The following PLCL2 variants were observed in gnomAD, a reference collection of about 807,000 sequenced individuals.
PLCL2 encodes inactive phospholipase C-like protein 2.
PLCL2 carries 4 observed loss-of-function variants against 79.6 expected under a neutral mutation model. The observed-to-expected ratio is 0.05, with a 90% CI of 0.02 to 0.11. The LOEUF (loss-of-function observed/expected upper bound fraction) is 0.11, where lower values mean the gene tolerates loss of function less well. Among genes scored for constraint, PLCL2 ranks in the 10% least tolerant of loss-of-function variants. The pLI is 1.00. For synonymous variants in PLCL2, 484 were observed against 457.7 expected, an observed-to-expected ratio of 1.06 and a Z score of -0.73; for missense variants, 895 against 1,291.0, an observed-to-expected ratio of 0.69 and a Z score of 4.70.
At chr3:16,921,338 G>T (rs1052788358) in intron 1 of PLCL2, among the ~76,000 whole-genome samples, 6 of 152,122 alleles carry the variant, frequency 3.9e-5, no homozygotes, top group Non-Finnish European at 8.8e-5. Flanking sequence ...TTTCAATATC[G>T]TGACCAAGGG....
chr3:17,021,372 T>A, intron 3 of PLCL2, among the ~76,000 whole-genome samples: 1 of 152,134 alleles, frequency 6.6e-6, no homozygotes, highest in East Asian at 1.9e-4. Flanking sequence ...TGAAAATAAA[T>A]GTTTAAACGA....
chr3:17,023,533 C>G (rs1193367920), intron 3 of PLCL2, among the ~76,000 whole-genome samples: 1 of 152,178 alleles, frequency 6.6e-6, no homozygotes, highest in Non-Finnish European at 1.5e-5. Context: ...TTGCTTCTTT[C>G]TTATTCTCTC....
intron 1 of PLCL2, among the ~76,000 whole-genome samples, chr3:16,978,101 G>A (rs534513853): frequency 2.8e-4 from 43 of 152,120 alleles, no homozygotes; most frequent in Non-Finnish European, 5.4e-4. Flanking sequence ...ATAGCAATAC[G>A]TAAGTTAGGA....
At chr3:16,963,909 A>C (rs765735010) in intron 1 of PLCL2, among the ~76,000 whole-genome samples, 1 of 152,110 alleles carries the variant, frequency 6.6e-6, no homozygotes, top group African/African-American at 2.4e-5. Context: ...GTGTTGGTTT[A>C]CTTTCTTATA....
Position 17,010,768 on chromosome 3 carries a change from A to C in PLCL2, c.1422A>C (p.Val474=). Residue 474 remains valine, a synonymous_variant, in exon 2 of 6, where the codon GTA becomes GTC. Coordinates refer to ENST00000615277, the MANE Select transcript of PLCL2 (RefSeq NM_001144382.2). This position sits in a 1 kb window ranked among gnomAD's most constrained non-coding sequence, Gnocchi z 5.8. Reference sequence around the variant, plus strand: ...GTTGCCGGAGTGTTGAATTAGATGTATGGGATGGGCCGGACAATGAACCTG... The same window carrying C: ...GTTGCCGGAGTGTTGAATTAGATGTCTGGGATGGGCCGGACAATGAACCTG... The part of the protein sequence containing the change: ...KMGCRSVELD[V]WDGPDNEPVI... The C allele has an allele frequency of 6.2e-7, 1 of 1,614,172 alleles. No individual in the cohort carries two copies. The highest frequency in any genetic ancestry group is 1.3e-5 in the African/African-American group (1 of 75,064).
chr3:17,000,050 C>A (rs973868914), intron 1 of PLCL2, among the ~76,000 whole-genome samples: 2 of 152,114 alleles, frequency 1.3e-5, no homozygotes, highest in African/African-American at 4.8e-5. Context: ...GTTTGCAGAT[C>A]CCTTTGAGAA....
rs1016368501 is a variant in PLCL2 at position 16,902,857 on chromosome 3, T to C, written c.327+17491T>C. Among the ~76,000 whole-genome samples, 20 of 30,840 alleles carry C rather than the reference T, an allele frequency of 6.5e-4. No homozygotes were observed. The East Asian group carries it at 0.079, about 122-fold the overall frequency. 20.2% of individuals were successfully genotyped at this position (30,840 alleles called of 152,430 possible). A position where few individuals can be genotyped will look rare whatever the true frequency, so the allele number is the denominator to read the frequency against. On this transcript the variant is annotated intron_variant, in intron 1 of 5. Transcript: ENST00000615277. The stretch of plus-strand genomic sequence containing the variant: ...AAAAAAAAAAAAAATGCAGTGCGTG[T>C]GTGTGTGTGTGTGTGTGTGTGTGTG...
chr3:16,925,023 A>C (rs1286241320), intron 1 of PLCL2, among the ~76,000 whole-genome samples: 3 of 151,616 alleles, frequency 2.0e-5, no homozygotes, highest in Non-Finnish European at 2.9e-5. Context: ...TCACGGGTTC[A>C]CACCATTCTC....
intron 1 of PLCL2, among the ~76,000 whole-genome samples, chr3:16,892,774 AACCTGTAAGGAGACATTAT>A (rs2124915431): frequency 6.6e-6 from 1 of 152,308 alleles, no homozygotes; most frequent in Non-Finnish European, 1.5e-5. Flanking sequence ...GTCTCACCAG[AACCTGTAAGGAGACATTAT>A]CATTCCCCTT....
chr3:16,947,131 T>A (rs919130524), intron 1 of PLCL2, among the ~76,000 whole-genome samples: 8 of 151,640 alleles, frequency 5.3e-5, no homozygotes, highest in South Asian at 2.1e-4. Context: ...AATTTTATTT[T>A]TTTTTTTTTA....
chr3:16,955,348 T>C (rs1339576142), intron 1 of PLCL2, among the ~76,000 whole-genome samples: 1 of 152,130 alleles, frequency 6.6e-6, no homozygotes, highest in Non-Finnish European at 1.5e-5. Flanking sequence ...AGATGTGTGG[T>C]ATTATTTCTG....
chr3:16,939,359 G>A (rs1443337204), intron 1 of PLCL2, among the ~76,000 whole-genome samples: 1 of 152,156 alleles, frequency 6.6e-6, no homozygotes, highest in Admixed American at 6.5e-5. Flanking sequence ...AGTTTATTGG[G>A]ACATGGAACT....
At chr3:17,062,640 G>A (rs1317081894) in intron 4 of PLCL2, among the ~76,000 whole-genome samples, 1 of 152,064 alleles carries the variant, frequency 6.6e-6, no homozygotes, top group Non-Finnish European at 1.5e-5. Context: ...TTGGCTAATA[G>A]AAAAAATACA....
chr3:17,072,546 G>A (rs1007410044), intron 5 of PLCL2, among the ~76,000 whole-genome samples: 4 of 151,824 alleles, frequency 2.6e-5, no homozygotes, highest in Non-Finnish European at 5.9e-5. Flanking sequence ...GCGGGTGCTT[G>A]TAATCCCAGC....
intron 1 of PLCL2, among the ~76,000 whole-genome samples, chr3:16,986,033 A>G (rs1179540363): frequency 6.6e-6 from 1 of 152,104 alleles, no homozygotes; most frequent in Non-Finnish European, 1.5e-5. Context: ...GAGCCAAGAC[A>G]TAGGGAACTC....
At chr3:16,959,055 C>T (rs1019525365) in intron 1 of PLCL2, among the ~76,000 whole-genome samples, 7 of 152,194 alleles carry the variant, frequency 4.6e-5, no homozygotes, top group African/African-American at 1.4e-4. Flanking sequence ...GATGCCCCAA[C>T]TCTGCTCCAG....
At chr3:16,941,975 T>A (rs546958964) in intron 1 of PLCL2, among the ~76,000 whole-genome samples, 2 of 152,368 alleles carry the variant, frequency 1.3e-5, no homozygotes, top group South Asian at 4.1e-4. Context: ...CATTCTTATC[T>A]TTTTAGCCCT....
At chr3:16,918,587 T>C (rs1161890609) in intron 1 of PLCL2, among the ~76,000 whole-genome samples, 5 of 152,268 alleles carry the variant, frequency 3.3e-5, no homozygotes, top group African/African-American at 1.2e-4. Context: ...ATTTTGGGGT[T>C]TGAACAATAG....
intron 1 of PLCL2, among the ~76,000 whole-genome samples, chr3:16,894,821 G>A (rs1016658065): frequency 6.6e-6 from 1 of 151,866 alleles, no homozygotes; most frequent in Non-Finnish European, 1.5e-5. Flanking sequence ...NAAAAAAATG[G>A]TATGTAGGAC....
Sources: allele counts gnomAD v4.1 joint callset (sites outside exome capture counted in the v4.1 genomes callset), GRCh38; gene constraint gnomAD v4.1.1; non-coding constraint Gnocchi (gnomAD v3.1); transcripts MANE v1.5; gene names NCBI Gene and HGNC (gene_info 2026-07-23, HGNC 2026-07-21).